Variants in GRM8 observed in about 807,000 individuals in gnomAD.
GRM8 encodes the protein glutamate metabotropic receptor 8, also known as metabotropic glutamate receptor 8.
Under a neutral mutation model 87.2 loss-of-function variants are expected in GRM8, and 47 were observed. That is an observed-to-expected ratio of 0.54 (90% CI 0.43 to 0.69). GRM8 has a LOEUF of 0.69. Ranked by LOEUF, GRM8 falls within the 30% of genes least tolerant of loss-of-function variation. The probability of loss-of-function intolerance (pLI) is 0.00; values close to 1 mark genes in which losing one functional copy is unlikely to be tolerated. For missense variants in GRM8, 1,019 were observed against 1,139.2 expected (o/e 0.89, Z 1.52); for synonymous variants, 396 against 404.5 (o/e 0.98, Z 0.25).
At chr7:126,976,266 T>C (rs1291014769) in intron 3 of GRM8, among the ~76,000 whole-genome samples, 1 of 152,208 alleles carries the variant, frequency 6.6e-6, no homozygotes, top group Non-Finnish European at 1.5e-5. Flanking sequence ...ACTACGATGT[T>C]CTTAAATTTT....
intron 1 of GRM8, among the ~76,000 whole-genome samples, chr7:127,251,694 A>AGCGCCC (rs1448587784): frequency 5.3e-5 from 8 of 151,050 alleles, no homozygotes; most frequent in Non-Finnish European, 8.9e-5. Context: ...TGGCCGCCCG[A>AGCGCCC]GCGCCCGCGC....
rs147251645 is a variant in GRM8 at position 126,573,898 on chromosome 7, C to T, written c.1494+35464G>A. Among the ~76,000 whole-genome samples, 23 of 152,208 alleles carry T rather than the reference C, an allele frequency of 1.5e-4. No homozygotes were observed. In the East Asian group the frequency reaches 4.4e-3, roughly 29 times the overall value. On this transcript the variant is annotated intron_variant, in intron 8 of 10. Coordinates refer to ENST00000339582, the MANE Select transcript of GRM8 (RefSeq NM_000845.3). Reference sequence around the variant, plus strand: ...CACCATGCCCATCCTCAAATTCCAACCTTTCTTATCACATTCTCAGAAAAT... The same window carrying T: ...CACCATGCCCATCCTCAAATTCCAATCTTTCTTATCACATTCTCAGAAAAT...
At chr7:126,922,373 G>A (rs1377119129) in intron 3 of GRM8, among the ~76,000 whole-genome samples, 1 of 152,050 alleles carries the variant, frequency 6.6e-6, no homozygotes, top group Non-Finnish European at 1.5e-5. Context: ...TGTGTACTGT[G>A]GGGAGTTAAG....
Position 126,475,189 on chromosome 7 carries a change from A to G in GRM8, c.2431-28817T>C, listed in dbSNP as rs560311734. 2.6e-5 allele frequency among the ~76,000 whole-genome samples: 4 copies of G among 152,320 alleles called. No homozygotes were observed. In the South Asian group the frequency reaches 8.3e-4, roughly 32 times the overall value. On this transcript the variant is annotated intron_variant, in intron 9 of 10. Transcript: ENST00000339582. ...TCCTAATCAGAATGAAAGAAGTGAA[A>G]TGACTAATGTTTACAAATGACATGA... is the stretch of plus-strand genomic sequence containing the variant.
chr7:126,971,267 A>G (rs1411060403), intron 3 of GRM8, among the ~76,000 whole-genome samples: 1 of 151,962 alleles, frequency 6.6e-6, no homozygotes, highest in Non-Finnish European at 1.5e-5. Context: ...CAATTTTTAG[A>G]GATCCAGGCC....
At chr7:126,875,005 C>T (rs1799413108) in intron 6 of GRM8, among the ~76,000 whole-genome samples, 2 of 151,986 alleles carry the variant, frequency 1.3e-5, no homozygotes, top group African/African-American at 4.8e-5. Flanking sequence ...TATTTAAATT[C>T]TATTAAACTG....
intron 6 of GRM8, among the ~76,000 whole-genome samples, chr7:126,778,578 G>A (rs1819713664): frequency 6.6e-6 from 1 of 152,024 alleles, no homozygotes; most frequent in Non-Finnish European, 1.5e-5. Flanking sequence ...TCAATTATTT[G>A]CATTTTTCTA....
chr7:126,510,758 T>C (rs1811241702), intron 9 of GRM8, among the ~76,000 whole-genome samples: 1 of 152,142 alleles, frequency 6.6e-6, no homozygotes, highest in Non-Finnish European at 1.5e-5. Flanking sequence ...AGTGAGTAAT[T>C]GGACTCAGTG....
intron 6 of GRM8, among the ~76,000 whole-genome samples, chr7:126,851,650 GTCT>G (rs1563249392): frequency 6.6e-6 from 1 of 152,012 alleles, no homozygotes; most frequent in East Asian, 1.9e-4. Flanking sequence ...CTTTGCAATG[GTCT>G]TCTCTGCCCA....
At position 127,167,749 on chromosome 7, in the gene GRM8, CCTT is replaced by C. The variant is rs377702533; in HGVS notation, c.511-61040_511-61038del. 2.7e-4 allele frequency among the ~76,000 whole-genome samples: 41 copies of C among 152,260 alleles called. No individual in the cohort carries two copies. In the South Asian group the frequency reaches 8.3e-3, roughly 31 times the overall value. On this transcript the variant is annotated intron_variant, in intron 2 of 10. Coordinates refer to ENST00000339582, the MANE Select transcript of GRM8 (RefSeq NM_000845.3). ...TGATCAGCCATTCCTCCATCTCCCT[CCTT>C]CTTCTCAGACCTTTCCTTCCTATTC...
At chr7:126,706,470 GA>G (rs1054217013) in intron 7 of GRM8, among the ~76,000 whole-genome samples, 29 of 152,094 alleles carry the variant, frequency 1.9e-4, no homozygotes, top group African/African-American at 5.8e-4. Context: ...AAGGTGGGGG[GA>G]AATCTTTCCT....
intron 6 of GRM8, among the ~76,000 whole-genome samples, chr7:126,850,182 TG>T: frequency 6.6e-6 from 1 of 152,206 alleles, no homozygotes; most frequent in East Asian, 1.9e-4. Flanking sequence ...TCTCAGTCCT[TG>T]TCTTATTTGA....
chr7:127,061,558 G>A (rs751217740), intron 3 of GRM8, among the ~76,000 whole-genome samples: 6 of 152,074 alleles, frequency 3.9e-5, no homozygotes, highest in Non-Finnish European at 8.8e-5. Flanking sequence ...CTGGCTTTGG[G>A]GCCCCTGCAG....
intron 10 of GRM8, among the ~76,000 whole-genome samples, chr7:126,441,637 A>C (rs934298867): frequency 1.3e-5 from 2 of 152,118 alleles, no homozygotes; most frequent in Non-Finnish European, 2.9e-5. Flanking sequence ...TAATTTATTT[A>C]TTGAACATTG....
chr7:127,103,022 C>T (rs1283117950), intron 3 of GRM8, among the ~76,000 whole-genome samples: 2 of 152,160 alleles, frequency 1.3e-5, no homozygotes. Context: ...GCCACCATGC[C>T]CAGCTAATTT....
intron 3 of GRM8, among the ~76,000 whole-genome samples, chr7:127,092,163 C>T (rs1055919222): frequency 6.6e-6 from 1 of 151,656 alleles, no homozygotes; most frequent in Non-Finnish European, 1.5e-5. Flanking sequence ...TTGCTTATCT[C>T]TCCCTACCCT....
At chr7:126,550,836 T>C (rs1184526644) in intron 8 of GRM8, among the ~76,000 whole-genome samples, 1 of 151,554 alleles carries the variant, frequency 6.6e-6, no homozygotes, top group Non-Finnish European at 1.5e-5. Context: ...AACAGAATAA[T>C]GGTGAATTAA....
At chr7:126,482,011 A>G (rs957201164) in intron 9 of GRM8, among the ~76,000 whole-genome samples, 18 of 152,048 alleles carry the variant, frequency 1.2e-4, no homozygotes, top group African/African-American at 4.3e-4. Context: ...TGAATAGACA[A>G]TTCTTCAAAG....
chr7:126,899,151 C>T (rs1369860999), intron 6 of GRM8, among the ~76,000 whole-genome samples: 3 of 93,544 alleles, frequency 3.2e-5, no homozygotes, highest in Non-Finnish European at 4.5e-5. Flanking sequence ...CCATCCATTT[C>T]ATTAACTGGG....
Sources: allele counts gnomAD v4.1 joint callset (sites outside exome capture counted in the v4.1 genomes callset), GRCh38; gene constraint gnomAD v4.1.1; transcripts MANE v1.5; gene names NCBI Gene and HGNC (gene_info 2026-07-23, HGNC 2026-07-21).